RPH3A: variants seen among roughly 807,000 people sequenced by gnomAD.
RPH3A encodes the protein rabphilin 3A, also known as rabphilin-3A.
A neutral mutation model predicts 102.2 loss-of-function variants in RPH3A; 48 were observed. That is an observed-to-expected ratio of 0.47 (90% CI 0.37 to 0.60). The LOEUF is 0.60. Ranked by LOEUF, RPH3A falls within the 20% of genes least tolerant of loss-of-function variation. The probability of loss-of-function intolerance (pLI) is 0.00; values close to 1 mark genes in which losing one functional copy is unlikely to be tolerated. For missense variants in RPH3A, 781 were observed against 910.1 expected (o/e 0.86, Z 1.83); for synonymous variants, 310 against 324.3 (o/e 0.96, Z 0.47).
At chr12:112,866,089 C>T (rs2042607289) in intron 6 of RPH3A, among the ~76,000 whole-genome samples, 1 of 152,196 alleles carries the variant, frequency 6.6e-6, no homozygotes, top group Non-Finnish European at 1.5e-5. Context: ...AGCAAAGATA[C>T]AACTGTCCTG....
chr12:112,893,364 T>C (rs2043130369), intron 19 of RPH3A: 1 of 152,228 alleles, frequency 6.6e-6, no homozygotes, highest in Non-Finnish European at 1.5e-5. Context: ...TCGCCCTCTT[T>C]ACAGGTCAAG....
intron 1 of RPH3A, among the ~76,000 whole-genome samples, chr12:112,598,534 A>G (rs1224348840): frequency 6.6e-6 from 1 of 152,164 alleles, no homozygotes; most frequent in Non-Finnish European, 1.5e-5. Flanking sequence ...GAGTCTAGAC[A>G]GACCACCGCC....
intron 1 of RPH3A, among the ~76,000 whole-genome samples, chr12:112,712,887 TCTTCTTCTTCTTCTTCC>T (rs2040473720): frequency 5.8e-5 from 8 of 137,398 alleles, no homozygotes; most frequent in African/African-American, 2.4e-4. Flanking sequence ...TTTTTCTTCT[TCTTCTTCTTCTTCTTCC>T]TCTTCTTCTT....
intron 3 of RPH3A, chr12:112,831,619 C>T: frequency 3.9e-6 from 1 of 257,012 alleles, no homozygotes; most frequent in Non-Finnish European, 7.8e-6. Flanking sequence ...CTTCCTGAAT[C>T]TTGGTGCTTC....
At chr12:112,775,087 G>A (rs1156417888) in intron 1 of RPH3A, among the ~76,000 whole-genome samples, 2 of 151,708 alleles carry the variant, frequency 1.3e-5, no homozygotes, top group African/African-American at 4.8e-5. Flanking sequence ...AGAGTATTAG[G>A]AAGGATGGTT....
chr12:112,810,067 T>C (rs891918648), intron 2 of RPH3A, among the ~76,000 whole-genome samples: 5 of 152,312 alleles, frequency 3.3e-5, no homozygotes, highest in African/African-American at 1.2e-4. Flanking sequence ...GCTGGGGACA[T>C]TTCAGCTTCC....
At chr12:112,712,965 T>TC (rs1301141992) in intron 1 of RPH3A, among the ~76,000 whole-genome samples, 12 of 68,268 alleles carry the variant, frequency 1.8e-4, no homozygotes, top group East Asian at 6.5e-4. Flanking sequence ...TTCTTCTTCT[T>TC]TCTTCTTCTT....
chr12:112,607,677 C>A (rs1194216424), intron 1 of RPH3A, among the ~76,000 whole-genome samples: 1 of 152,178 alleles, frequency 6.6e-6, no homozygotes, highest in Admixed American at 6.5e-5. Context: ...CTTGTTCTGT[C>A]CTCACTACAG....
intron 1 of RPH3A, among the ~76,000 whole-genome samples, chr12:112,627,176 A>G (rs1001730181): frequency 6.7e-6 from 1 of 149,944 alleles, no homozygotes; most frequent in Non-Finnish European, 1.5e-5. Context: ...AACCTGCACA[A>G]TGTGCACATG....
At chr12:112,813,661 G>A (rs535988025) in intron 2 of RPH3A, among the ~76,000 whole-genome samples, 4 of 152,236 alleles carry the variant, frequency 2.6e-5, no homozygotes, top group East Asian at 1.9e-4. Context: ...GCCTAGTGAG[G>A]GTTTTGCCTG....
At chr12:112,843,960 A>G (rs2042189743) in intron 4 of RPH3A, among the ~76,000 whole-genome samples, 1 of 152,148 alleles carries the variant, frequency 6.6e-6, no homozygotes, top group Admixed American at 6.5e-5. Context: ...CAGCAGGCTG[A>G]GGGATATTGG....
At chr12:112,731,060 T>C (rs2040630343) in intron 1 of RPH3A, among the ~76,000 whole-genome samples, 1 of 152,216 alleles carries the variant, frequency 6.6e-6, no homozygotes, top group African/African-American at 2.4e-5. Context: ...AGAGGGATCC[T>C]CTCTAGGAGC....
chr12:112,731,007 A>C (rs1441960852), intron 1 of RPH3A, among the ~76,000 whole-genome samples: 1 of 152,198 alleles, frequency 6.6e-6, no homozygotes, highest in East Asian at 1.9e-4. Context: ...TTGCTATGAA[A>C]TTCTCTGCAA....
intron 1 of RPH3A, among the ~76,000 whole-genome samples, chr12:112,610,012 G>A (rs1187136538): frequency 6.6e-6 from 1 of 152,134 alleles, no homozygotes; most frequent in East Asian, 1.9e-4. Flanking sequence ...CAGCCCACAA[G>A]GGACGGAGTG....
chr12:112,651,224 A>G (rs1355035835), intron 1 of RPH3A, among the ~76,000 whole-genome samples: 1 of 151,896 alleles, frequency 6.6e-6, no homozygotes, highest in East Asian at 1.9e-4. Flanking sequence ...TTATCCAGGC[A>G]TGGTGGTGCA....
Position 112,713,051 on chromosome 12 carries a change from C to CTTCTTCTTCTTCTTCTTCTTCTT in RPH3A, c.-139-79092_-139-79091insTTCTTCTTCTTCTTCTTCTTCTT, listed in dbSNP as rs1555204011. Among the ~76,000 whole-genome samples, 12 of 85,870 alleles carry CTTCTTCTTCTTCTTCTTCTTCTT rather than the reference C, an allele frequency of 1.4e-4. 1 individual carries two copies. Among genetic ancestry groups the CTTCTTCTTCTTCTTCTTCTTCTT allele is most frequent in the East Asian group, 1.0e-3 (3 of 2,974 alleles). The allele number at this position is 85,870 out of a possible 152,430, so 56.3% of individuals were successfully genotyped here. A position where few individuals can be genotyped will look rare whatever the true frequency, so the allele number is the denominator to read the frequency against. On this transcript the variant is annotated intron_variant, in intron 1 of 21. Coordinates refer to the RPH3A transcript ENST00000543106. ...TTCTTCTTCTTCTTCTTCTTCTTCT[C>CTTCTTCTTCTTCTTCTTCTTCTT]CTTCTTCTTCTTCTTCTTCTTCTTC...
Position 112,808,155 on chromosome 12 carries a change from A to G in RPH3A, c.-19+15892A>G, listed in dbSNP as rs111687862. Reference sequence around the variant, plus strand: ...ACCTAATGGGTCATTAAACAGCAACACCAGCAAAGAGGGGAAAAATCCCCA... The same window carrying G: ...ACCTAATGGGTCATTAAACAGCAACGCCAGCAAAGAGGGGAAAAATCCCCA... On this transcript the variant is annotated intron_variant, in intron 2 of 21. Coordinates refer to ENST00000389385, the MANE Select transcript of RPH3A (RefSeq NM_001143854.2). 1.4e-4 allele frequency among the ~76,000 whole-genome samples: 21 copies of G among 152,290 alleles called. 1 individual carries two copies. The highest frequency in any genetic ancestry group is 4.8e-4 in the African/African-American group (20 of 41,574).
chr12:112,657,013 A>G (rs747287155), intron 1 of RPH3A, among the ~76,000 whole-genome samples: 1 of 152,030 alleles, frequency 6.6e-6, no homozygotes, highest in Non-Finnish European at 1.5e-5. Context: ...TGGTTCTTTG[A>G]TAAATCTCCA....
chr12:112,648,667 C>A (rs1321365249), intron 1 of RPH3A, among the ~76,000 whole-genome samples: 1 of 142,322 alleles, frequency 7.0e-6, no homozygotes, highest in Non-Finnish European at 1.5e-5. Flanking sequence ...ATCGTCTGAG[C>A]CTGGGAGTTT....
Sources: gnomAD v4.1 joint callset for allele counts (sites outside exome capture counted in the v4.1 genomes callset) on GRCh38, gnomAD v4.1.1 for gene constraint, MANE v1.5 for transcripts, NCBI Gene and HGNC (gene_info 2026-07-23, HGNC 2026-07-21) for gene names.